Variants in DLG2 observed in about 807,000 individuals in gnomAD.
DLG2 encodes disks large homolog 2.
A neutral mutation model predicts 132.5 loss-of-function variants in DLG2; 45 were observed. The observed-to-expected ratio is 0.34, with a 90% CI of 0.27 to 0.44. The LOEUF (loss-of-function observed/expected upper bound fraction) is 0.44, where lower values mean the gene tolerates loss of function less well. Ranked by LOEUF, DLG2 falls within the 20% of genes least tolerant of loss-of-function variation. DLG2 has a pLI of 1.00. For missense variants in DLG2, 1,045 were observed against 1,196.9 expected, an observed-to-expected ratio of 0.87 and a Z score of 1.87; for synonymous variants, 424 against 419.6, an observed-to-expected ratio of 1.01 and a Z score of -0.13.
intron 7 of DLG2, among the ~76,000 whole-genome samples, chr11:84,442,524 G>C (rs957133377): frequency 3.3e-5 from 5 of 152,072 alleles, no homozygotes; most frequent in African/African-American, 1.2e-4. Context: ...ACTGAGGCCT[G>C]TCAGTGGGTG....
At chr11:84,498,097 C>T (rs756697375) in intron 7 of DLG2, among the ~76,000 whole-genome samples, 7 of 152,150 alleles carry the variant, frequency 4.6e-5, no homozygotes, top group Non-Finnish European at 7.4e-5. Context: ...TAGTCACCGC[C>T]TATCTATCCA....
chr11:83,546,053 C>T (rs1215389355), intron 19 of DLG2, among the ~76,000 whole-genome samples: 1 of 152,134 alleles, frequency 6.6e-6, no homozygotes, highest in Admixed American at 6.5e-5. Context: ...TAGAATTGGA[C>T]ATGAATAATG....
At chr11:83,467,771 G>GTATGTATATATA in intron 25 of DLG2, among the ~76,000 whole-genome samples, 3 of 85,058 alleles carry the variant, frequency 3.5e-5, no homozygotes, top group Non-Finnish European at 6.8e-5. Context: ...AAAACTATAT[G>GTATGTATATATA]TATATATATA....
At chr11:85,156,919 T>C (rs761176794) in intron 4 of DLG2, among the ~76,000 whole-genome samples, 6 of 152,196 alleles carry the variant, frequency 3.9e-5, no homozygotes, top group Non-Finnish European at 5.9e-5. Flanking sequence ...GTCAACTTGA[T>C]TGGACTGAAG....
intron 3 of DLG2, among the ~76,000 whole-genome samples, chr11:85,378,084 G>T (rs2085577930): frequency 1.3e-5 from 2 of 151,916 alleles, no homozygotes; most frequent in Admixed American, 1.3e-4. Context: ...ACTTCATTGA[G>T]CCACAGTAAA....
In DLG2 at chr11:85,408,759, G is replaced by T. The variant is rs532943162; in HGVS notation, c.41-123394C>A. On this transcript the variant is annotated intron_variant, in intron 3 of 27. Coordinates refer to ENST00000376104, the MANE Select transcript of DLG2 (RefSeq NM_001142699.3). ...TTTTATGGCTACATAGTATTCCATG[G>T]TGTATGTGTGCCACATTTTCTTAAT... Among the ~76,000 whole-genome samples, 11 of 151,734 alleles carry T rather than the reference G, an allele frequency of 7.2e-5. No individual in the cohort carries two copies. In the East Asian group the frequency reaches 1.9e-3, roughly 27 times the overall value.
chr11:85,485,015 T>C (rs2093395262), intron 3 of DLG2, among the ~76,000 whole-genome samples: 1 of 152,350 alleles, frequency 6.6e-6, no homozygotes, highest in African/African-American at 2.4e-5. Context: ...TGGAATACTA[T>C]GCAGCCATAA....
At chr11:84,485,765 C>T (rs1408531345) in intron 7 of DLG2, among the ~76,000 whole-genome samples, 2 of 152,160 alleles carry the variant, frequency 1.3e-5, no homozygotes, top group Non-Finnish European at 2.9e-5. Flanking sequence ...AATGTTAATT[C>T]TCTTCCTGTT....
chr11:83,825,707 C>T (rs2052548392), intron 17 of DLG2, among the ~76,000 whole-genome samples: 1 of 152,116 alleles, frequency 6.6e-6, no homozygotes, highest in Admixed American at 6.5e-5. Context: ...GCTCCGTCCC[C>T]ACTCAGTGAT....
chr11:85,039,204 T>G (rs1180994172), intron 6 of DLG2, among the ~76,000 whole-genome samples: 2 of 147,466 alleles, frequency 1.4e-5, no homozygotes, highest in Non-Finnish European at 3.0e-5. Context: ...GAGGAATTTT[T>G]CTTCCTGTAA....
intron 4 of DLG2, among the ~76,000 whole-genome samples, chr11:85,219,402 G>A (rs1265100664): frequency 1.3e-5 from 2 of 151,880 alleles, no homozygotes; most frequent in East Asian, 1.9e-4. Flanking sequence ...TGTCACTAGG[G>A]TATAAACTCC....
chr11:84,847,460 A>G (rs992228865), intron 6 of DLG2, among the ~76,000 whole-genome samples: 4 of 152,140 alleles, frequency 2.6e-5, no homozygotes, highest in Non-Finnish European at 5.9e-5. Flanking sequence ...TGGGTTTTTT[A>G]GTGATGTACA....
intron 3 of DLG2, among the ~76,000 whole-genome samples, chr11:85,587,811 G>A (rs1052340644): frequency 6.6e-6 from 1 of 152,126 alleles, no homozygotes; most frequent in Non-Finnish European, 1.5e-5. Context: ...ACACTTTAAC[G>A]AGGTTCTATT....
chr11:83,546,258 T>C (rs1285486614), intron 19 of DLG2, among the ~76,000 whole-genome samples: 1 of 152,162 alleles, frequency 6.6e-6, no homozygotes, highest in Non-Finnish European at 1.5e-5. Context: ...GCATTTTATA[T>C]TCATTGTCTC....
intron 3 of DLG2, among the ~76,000 whole-genome samples, chr11:85,377,801 A>G (rs557442098): frequency 1.2e-3 from 114 of 95,872 alleles, no homozygotes; most frequent in African/African-American, 4.0e-3. Context: ...ATATATATAT[A>G]TATGTGTGTG....
At chr11:84,344,820 G>A (rs2098531937) in intron 7 of DLG2, among the ~76,000 whole-genome samples, 1 of 152,090 alleles carries the variant, frequency 6.6e-6, no homozygotes, top group South Asian at 2.1e-4. Flanking sequence ...TCATCAGAAA[G>A]GCAATTTCAC....
chr11:84,728,985 T>C (rs550058343), intron 6 of DLG2, among the ~76,000 whole-genome samples: 22 of 152,228 alleles, frequency 1.4e-4, no homozygotes, highest in Admixed American at 1.4e-3. Flanking sequence ...CTCTCTTTTC[T>C]TCTTTATTAA....
intron 19 of DLG2, among the ~76,000 whole-genome samples, chr11:83,572,199 T>A (rs1277094696): frequency 6.6e-6 from 1 of 152,070 alleles, no homozygotes; most frequent in Non-Finnish European, 1.5e-5. Context: ...TTACTATAAT[T>A]CATTATTTTA....
At chr11:83,500,976 T>C (rs1022259251) in intron 21 of DLG2, among the ~76,000 whole-genome samples, 2 of 152,116 alleles carry the variant, frequency 1.3e-5, no homozygotes, top group Non-Finnish European at 2.9e-5. Context: ...TTCAAAATAC[T>C]ATGGCTTATA....
Sources: allele counts gnomAD v4.1 joint callset (sites outside exome capture counted in the v4.1 genomes callset), GRCh38; gene constraint gnomAD v4.1.1; transcripts MANE v1.5; gene names NCBI Gene and HGNC (gene_info 2026-07-23, HGNC 2026-07-21).